Variants in SDCCAG8 observed in about 807,000 individuals in gnomAD.
SDCCAG8 encodes the protein SHH signaling and ciliogenesis regulator SDCCAG8.
In SDCCAG8, 74 loss-of-function variants were observed where a neutral mutation model predicts 101.8. The observed-to-expected ratio is 0.73, with a 90% confidence interval of 0.60 to 0.88. SDCCAG8 has a LOEUF of 0.88. Ranked by LOEUF, SDCCAG8 falls within the 40% of genes least tolerant of loss-of-function variation. The pLI, the probability that SDCCAG8 is intolerant of heterozygous loss-of-function variation, is 0.00. For missense variants in SDCCAG8, 787 were observed against 822.6 expected, an observed-to-expected ratio of 0.96 and a Z score of 0.53; for synonymous variants, 281 against 292.9, an observed-to-expected ratio of 0.96 and a Z score of 0.41.
intron 15 of SDCCAG8, among the ~76,000 whole-genome samples, chr1:243,425,880 A>G (rs2081308479): frequency 6.6e-6 from 1 of 152,186 alleles, no homozygotes; most frequent in South Asian, 2.1e-4. Context: ...AAAGTTTACT[A>G]ATTTAAATGT....
In SDCCAG8 at chr1:243,439,622, T is replaced by TCACACACACACACACACACA. The variant is rs60044857; in HGVS notation, c.1985+13089_1985+13108dup. ...CCTGGGCAACAAGAGTGAGACTCCA[T>TCACACACACACACACACACA]CACACACACACACACACACACACAC... is the stretch of plus-strand genomic sequence containing the variant. On this transcript the variant is annotated intron_variant, in intron 16 of 17. Transcript: ENST00000366541. Among the ~76,000 whole-genome samples the TCACACACACACACACACACA allele has an allele frequency of 2.1e-3, 252 of 120,192 alleles. 4 individuals carry two copies. The highest frequency in any genetic ancestry group is 2.8e-3 in the East Asian group (11 of 3,896). 78.9% of individuals were successfully genotyped at this position (120,192 alleles called of 152,430 possible).
intron 4 of SDCCAG8, among the ~76,000 whole-genome samples, chr1:243,275,370 T>C (rs1238593213): frequency 2.6e-5 from 4 of 152,148 alleles, no homozygotes; most frequent in Non-Finnish European, 4.4e-5. Flanking sequence ...ATCACTGATA[T>C]CTCTTGTATC....
chr1:243,273,004 CT>C (rs1040616216), intron 3 of SDCCAG8, among the ~76,000 whole-genome samples: 1 of 152,056 alleles, frequency 6.6e-6, no homozygotes, highest in African/African-American at 2.4e-5. Flanking sequence ...TTGGCTTGAG[CT>C]TTTTATTTTT....
At chr1:243,378,334 A>G (rs1164726349) in intron 12 of SDCCAG8, among the ~76,000 whole-genome samples, 2 of 152,134 alleles carry the variant, frequency 1.3e-5, no homozygotes, top group Non-Finnish European at 2.9e-5. Flanking sequence ...TTTAGAATAA[A>G]AAGTACATAC....
At chr1:243,388,136 C>T (rs903487325) in intron 13 of SDCCAG8, among the ~76,000 whole-genome samples, 3 of 152,142 alleles carry the variant, frequency 2.0e-5, no homozygotes, top group Non-Finnish European at 4.4e-5. Flanking sequence ...TATAACTAGA[C>T]CATGTACAAT....
intron 12 of SDCCAG8, among the ~76,000 whole-genome samples, chr1:243,359,670 G>A (rs1322285041): frequency 6.6e-6 from 1 of 152,172 alleles, no homozygotes; most frequent in Non-Finnish European, 1.5e-5. Flanking sequence ...CTTAAAGTCA[G>A]GGTCTTAACT....
At chr1:243,304,551 A>T (rs1226915509) in intron 6 of SDCCAG8, among the ~76,000 whole-genome samples, 162 bp from the exon 7 acceptor site, 1 of 152,220 alleles carries the variant, frequency 6.6e-6, no homozygotes, top group East Asian at 1.9e-4. Flanking sequence ...ACACAATAAA[A>T]ATAGAAAAAT....
chr1:243,281,593 A>G (rs2069048415), intron 4 of SDCCAG8, among the ~76,000 whole-genome samples: 1 of 140,236 alleles, frequency 7.1e-6, no homozygotes. Flanking sequence ...TATTATCTTC[A>G]TTGTCTTTAT....
chr1:243,485,844 A>G (rs1054185569), intron 16 of SDCCAG8, among the ~76,000 whole-genome samples: 4 of 151,420 alleles, frequency 2.6e-5, no homozygotes, highest in African/African-American at 7.3e-5. Flanking sequence ...GTGAGCTGAC[A>G]TAGCACCGCT....
intron 16 of SDCCAG8, among the ~76,000 whole-genome samples, chr1:243,467,993 A>C (rs1660473593): frequency 6.6e-6 from 1 of 152,226 alleles, no homozygotes; most frequent in Admixed American, 6.5e-5. Context: ...AATGCCCAGT[A>C]GCTCTACGTG....
At chr1:243,405,631 G>C (rs2147986271) in intron 13 of SDCCAG8, among the ~76,000 whole-genome samples, 1 of 152,212 alleles carries the variant, frequency 6.6e-6, no homozygotes, top group African/African-American at 2.4e-5. Context: ...GGTATAGTTT[G>C]CTTAAGAAAG....
chr1:243,332,679 G>A (rs979660570), intron 10 of SDCCAG8, among the ~76,000 whole-genome samples: 3 of 151,232 alleles, frequency 2.0e-5, no homozygotes, highest in Admixed American at 6.6e-5. Flanking sequence ...GGTGATTATC[G>A]CAGTCCAGGT....
chr1:243,496,271 G>A (rs112223723), intron 17 of SDCCAG8, among the ~76,000 whole-genome samples: 4,605 of 152,318 alleles, frequency 0.03, 86 homozygotes, highest in Middle Eastern at 0.051. Context: ...GAGCGGGTGC[G>A]GGCGGAGCCG....
chr1:243,294,999 G>C (rs1025119660), intron 6 of SDCCAG8, among the ~76,000 whole-genome samples: 2 of 152,028 alleles, frequency 1.3e-5, no homozygotes, highest in African/African-American at 4.8e-5. Context: ...TTTCTGCCCA[G>C]TCACCCTCTC....
At chr1:243,453,744 A>T (rs2083536589) in intron 16 of SDCCAG8, among the ~76,000 whole-genome samples, 1 of 152,248 alleles carries the variant, frequency 6.6e-6, no homozygotes, top group Admixed American at 6.5e-5. Context: ...TCAGCCAGTA[A>T]TCCAAATTTT....
intron 1 of SDCCAG8, chr1:243,267,924 G>A: frequency 1.2e-6 from 1 of 848,264 alleles, no homozygotes. Context: ...ATGTGGTAAG[G>A]TGGGCCCAGC....
chr1:243,490,617 C>A (rs1442175245), intron 17 of SDCCAG8, among the ~76,000 whole-genome samples: 1 of 152,252 alleles, frequency 6.6e-6, no homozygotes, highest in Non-Finnish European at 1.5e-5. Flanking sequence ...GCATGGTGCA[C>A]GCCTGGCTTC....
At chr1:243,345,075 G>A (rs2147793611) in intron 12 of SDCCAG8, among the ~76,000 whole-genome samples, 1 of 152,250 alleles carries the variant, frequency 6.6e-6, no homozygotes, top group South Asian at 2.1e-4. Flanking sequence ...AAAATAGTAA[G>A]ACTGGGTTCT....
chr1:243,290,468 C>T (rs1287603699), intron 5 of SDCCAG8, among the ~76,000 whole-genome samples: 2 of 152,094 alleles, frequency 1.3e-5, no homozygotes, highest in Non-Finnish European at 1.5e-5. Context: ...CTTCATTGAT[C>T]TCAAAAACAA....
Sources: allele counts gnomAD v4.1 joint callset (sites outside exome capture counted in the v4.1 genomes callset), GRCh38; gene constraint gnomAD v4.1.1; transcripts MANE v1.5; gene names NCBI Gene and HGNC (gene_info 2026-07-23, HGNC 2026-07-21).